The following ANO4 variants were observed in gnomAD, a reference collection of about 807,000 sequenced individuals.
ANO4 encodes anoctamin-4.
ANO4 carries 69 observed loss-of-function variants against 141.9 expected under a neutral mutation model. The observed-to-expected ratio is 0.49, with a 90% confidence interval of 0.40 to 0.59. The LOEUF is 0.59. Among genes scored for constraint, ANO4 ranks in the 20% least tolerant of loss-of-function variants. The pLI is 0.00. For missense variants in ANO4, 894 were observed against 1,162.2 expected, an observed-to-expected ratio of 0.77 and a Z score of 3.36; for synonymous variants, 350 against 394.3, an observed-to-expected ratio of 0.89 and a Z score of 1.33.
intron 15 of ANO4, among the ~76,000 whole-genome samples, chr12:101,081,223 A>G (rs1160524166): frequency 6.6e-6 from 1 of 152,008 alleles, no homozygotes; most frequent in Non-Finnish European, 1.5e-5. Flanking sequence ...CCTGGGAATC[A>G]CCTTGGGCAA....
intron 9 of ANO4, among the ~76,000 whole-genome samples, chr12:101,035,041 CT>C (rs1431776127): frequency 1.3e-5 from 2 of 151,606 alleles, no homozygotes; most frequent in Non-Finnish European, 2.9e-5. Flanking sequence ...GGAATCACTT[CT>C]AGGTATTTGC....
At position 100,794,798 on chromosome 12, in the gene ANO4, C is replaced by G. The variant is rs755362898; in HGVS notation, c.-370C>G. 1 of 152,262 alleles carries G rather than the reference C, an allele frequency of 6.6e-6. No individual in the cohort carries two copies. Among genetic ancestry groups the G allele is most frequent in the African/African-American group, 2.4e-5 (1 of 41,406 alleles). 9.4% of individuals were successfully genotyped at this position (152,262 alleles called of 1,614,324 possible). On this transcript the variant is annotated 5_prime_UTR_variant, in exon 1 of 28. Transcript: ENST00000392977. The stretch of plus-strand genomic sequence containing the variant: ...GCTGCTTTCACTCCGGCTCGCTCTC[C>G]GGAGAGTCCTGTTCCAGACTTCTCA...
rs888405737 is a variant in ANO4 at position 101,128,375 on chromosome 12, T to C, written c.*519T>C. On this transcript the variant is annotated 3_prime_UTR_variant, in exon 28 of 28. Transcript: ENST00000392977. ...TTAGACCTTTCTGAGAAGATTATTA[T>C]ATATGACATATCTATAGCTATGTGT... 4.6e-5 allele frequency: 7 copies of C among 152,660 alleles called. No homozygotes were observed. The highest frequency in any genetic ancestry group is 1.7e-4 in the African/African-American group (7 of 41,450). The allele number at this position is 152,660 out of a possible 1,614,324, so 9.5% of individuals were successfully genotyped here.
At chr12:100,911,319 A>G (rs1209062759) in intron 2 of ANO4, among the ~76,000 whole-genome samples, 2 of 152,180 alleles carry the variant, frequency 1.3e-5, no homozygotes, top group African/African-American at 2.4e-5. Flanking sequence ...CTCTTATTTA[A>G]TGTGCTATTA....
At chr12:101,034,921 C>A (rs1252265050) in intron 9 of ANO4, among the ~76,000 whole-genome samples, 9 of 152,112 alleles carry the variant, frequency 5.9e-5, no homozygotes, top group African/African-American at 2.2e-4. Flanking sequence ...ATGTGGAGGA[C>A]CTTGAACTCT....
intron 5 of ANO4, among the ~76,000 whole-genome samples, chr12:100,970,708 TC>T (rs2043892180): frequency 7.4e-6 from 1 of 134,720 alleles, no homozygotes; most frequent in Non-Finnish European, 1.6e-5. Context: ...CTTCCTTCCT[TC>T]CTTCCTTCCT....
chr12:101,050,513 A>G (rs661869), intron 14 of ANO4, among the ~76,000 whole-genome samples: 24,102 of 152,208 alleles, frequency 0.16, 2,270 homozygotes, highest in East Asian at 0.28. Flanking sequence ...TTAGTATCAT[A>G]CACCGTGATT....
intron 7 of ANO4, among the ~76,000 whole-genome samples, 200 bp downstream of exon 7, chr12:100,975,089 G>C (rs2044104267): frequency 6.6e-6 from 1 of 152,036 alleles, no homozygotes; most frequent in South Asian, 2.1e-4. Flanking sequence ...CGTCTTCCCA[G>C]TAACTTCTTC....
intron 3 of ANO4, among the ~76,000 whole-genome samples, chr12:100,766,567 T>C (rs901709439): frequency 2.0e-5 from 3 of 152,168 alleles, no homozygotes; most frequent in Admixed American, 1.3e-4. Context: ...CATCTCGTTA[T>C]TGATTTCTAT....
chr12:101,050,705 A>G (rs967413458), intron 14 of ANO4, among the ~76,000 whole-genome samples: 6 of 152,182 alleles, frequency 3.9e-5, no homozygotes, highest in African/African-American at 7.2e-5. Flanking sequence ...TTCATTTCCT[A>G]AACTTTTCAG....
intron 2 of ANO4, among the ~76,000 whole-genome samples, chr12:100,917,204 C>T (rs1000554890): frequency 6.6e-6 from 1 of 152,022 alleles, no homozygotes; most frequent in South Asian, 2.1e-4. Flanking sequence ...TTTAATTGGT[C>T]AATGTGTTTC....
chr12:100,935,254 G>C (rs967785239), intron 3 of ANO4, among the ~76,000 whole-genome samples: 20 of 152,088 alleles, frequency 1.3e-4, no homozygotes, highest in African/African-American at 4.8e-4. Flanking sequence ...TTATTATTTT[G>C]AGATACATTC....
intron 2 of ANO4, among the ~76,000 whole-genome samples, chr12:100,903,415 A>G (rs1418056043): frequency 1.3e-5 from 2 of 152,164 alleles, no homozygotes; most frequent in East Asian, 3.8e-4. Context: ...ACCCCTAATC[A>G]GTTACTGTGC....
intron 1 of ANO4, among the ~76,000 whole-genome samples, chr12:100,727,486 C>A (rs1210726143): frequency 1.3e-5 from 2 of 152,044 alleles, no homozygotes; most frequent in South Asian, 4.1e-4. Context: ...AATATAGGTA[C>A]CCTGGCTTTA....
chr12:100,750,036 CA>C (rs2032301971), intron 3 of ANO4, among the ~76,000 whole-genome samples: 3 of 152,126 alleles, frequency 2.0e-5, no homozygotes, highest in African/African-American at 7.2e-5. Flanking sequence ...ACTTTAGTGT[CA>C]ATATAAGCCC....
At chr12:100,952,858 A>G (rs903050031) in intron 5 of ANO4, among the ~76,000 whole-genome samples, 25 of 152,224 alleles carry the variant, frequency 1.6e-4, no homozygotes, top group African/African-American at 5.5e-4. Context: ...TTCTGTTGCC[A>G]GGTCAAGATG....
At chr12:101,013,829 G>A (rs1593013907) in intron 8 of ANO4, among the ~76,000 whole-genome samples, 4 of 152,244 alleles carry the variant, frequency 2.6e-5, no homozygotes, top group Admixed American at 6.5e-5. Flanking sequence ...TTAATCTAAT[G>A]TTCCCTTCAG....
intron 3 of ANO4, among the ~76,000 whole-genome samples, chr12:100,926,602 T>TTGTGTGTG (rs3059281): frequency 0.01 from 1,503 of 147,492 alleles, 30 homozygotes; most frequent in African/African-American, 0.035. Context: ...AAGGGTGTGT[T>TTGTGTGTG]TGTGTGTGTG....
intron 25 of ANO4, among the ~76,000 whole-genome samples, chr12:101,118,455 A>T (rs2137046641): frequency 6.6e-6 from 1 of 152,322 alleles, no homozygotes; most frequent in African/African-American, 2.4e-5. Flanking sequence ...AACATTTTAA[A>T]ATTTCTAATT....
Sources: allele counts gnomAD v4.1 joint callset (sites outside exome capture counted in the v4.1 genomes callset), GRCh38; gene constraint gnomAD v4.1.1; transcripts MANE v1.5; gene names NCBI Gene and HGNC (gene_info 2026-07-23, HGNC 2026-07-21).